LDB2: variants seen among roughly 807,000 people sequenced by gnomAD.
The protein encoded by LDB2 is LIM domain-binding protein 2.
A neutral mutation model predicts 44.3 loss-of-function variants in LDB2; 12 were observed. That is an observed-to-expected ratio of 0.27 (90% CI 0.17 to 0.44). The LOEUF (loss-of-function observed/expected upper bound fraction) is 0.44, where lower values mean the gene tolerates loss of function less well. Among genes scored for constraint, LDB2 ranks in the 20% least tolerant of loss-of-function variants. The probability of loss-of-function intolerance (pLI) is 1.00; values close to 1 mark genes in which losing one functional copy is unlikely to be tolerated. For synonymous variants in LDB2, 164 were observed against 174.8 expected (o/e 0.94, Z 0.49); for missense variants, 344 against 473.5 (o/e 0.73, Z 2.54).
chr4:16,548,984 C>T (rs777290378), intron 5 of LDB2, among the ~76,000 whole-genome samples: 7 of 152,054 alleles, frequency 4.6e-5, no homozygotes, highest in South Asian at 2.1e-4. Context: ...AGAAGCATGG[C>T]GTCTTATATG....
At chr4:16,894,159 T>G (rs1724236250) in intron 1 of LDB2, among the ~76,000 whole-genome samples, 1 of 152,170 alleles carries the variant, frequency 6.6e-6, no homozygotes, top group South Asian at 2.1e-4. Flanking sequence ...CTGACTGTAT[T>G]GTGTGTACAG....
chr4:16,745,078 A>G (rs11722005), intron 2 of LDB2, among the ~76,000 whole-genome samples: 2,630 of 152,330 alleles, frequency 0.017, 34 homozygotes, highest in Non-Finnish European at 0.023. Context: ...TGGTAACTGC[A>G]GGACAGGGTC....
intron 1 of LDB2, among the ~76,000 whole-genome samples, chr4:16,770,895 A>C (rs1182597469): frequency 6.6e-6 from 1 of 152,192 alleles, no homozygotes; most frequent in African/African-American, 2.4e-5. Context: ...TGTGGCAGTG[A>C]GCACCGCGCA....
chr4:16,636,328 T>TCCAG (rs1402593834), intron 2 of LDB2, among the ~76,000 whole-genome samples: 1 of 152,196 alleles, frequency 6.6e-6, no homozygotes, highest in Non-Finnish European at 1.5e-5. Flanking sequence ...TCTCTGCTGC[T>TCCAG]CCAGCCACAG....
At chr4:16,821,185 A>G (rs1302673631) in intron 1 of LDB2, among the ~76,000 whole-genome samples, 1 of 152,212 alleles carries the variant, frequency 6.6e-6, no homozygotes, top group Non-Finnish European at 1.5e-5. Context: ...TCGCTCCGTC[A>G]TCATTCCCAC....
At chr4:16,568,379 C>A (rs1002378902) in intron 5 of LDB2, among the ~76,000 whole-genome samples, 1 of 152,054 alleles carries the variant, frequency 6.6e-6, no homozygotes, top group Non-Finnish European at 1.5e-5. Context: ...CTCATTGATT[C>A]CTGAAATAGG....
At chr4:16,600,318 T>C (rs1381770542) in intron 2 of LDB2, among the ~76,000 whole-genome samples, 5 of 152,168 alleles carry the variant, frequency 3.3e-5, no homozygotes, top group Non-Finnish European at 7.4e-5. Flanking sequence ...TGTGCTCCTA[T>C]GAAAAGGATT....
At chr4:16,766,156 C>T (rs1429652908) in intron 1 of LDB2, among the ~76,000 whole-genome samples, 1 of 151,964 alleles carries the variant, frequency 6.6e-6, no homozygotes, top group East Asian at 1.9e-4. Flanking sequence ...CTCTGTTTTT[C>T]TCTCTCCTCT....
intron 1 of LDB2, among the ~76,000 whole-genome samples, chr4:16,767,767 T>C (rs1769685565): frequency 6.6e-6 from 1 of 152,236 alleles, no homozygotes; most frequent in South Asian, 2.1e-4. Context: ...AGCTTCTTTA[T>C]TCTAAACAAT....
rs71181177 is a variant in LDB2 at position 16,586,526 on chromosome 4, A to ACACAC, written c.532-522_532-521insGTGTG. ...CACACACACACACACACACACACAC[A>ACACAC]AAACACACACACACACACACACACA... On this transcript the variant is annotated intron_variant, in intron 4 of 7. Transcript: ENST00000304523. Among the ~76,000 whole-genome samples the ACACAC allele has an allele frequency of 6.1e-5, 4 of 65,052 alleles. No individual in the cohort carries two copies. In the South Asian group the frequency reaches 1.6e-3, roughly 26 times the overall value. 42.7% of individuals were successfully genotyped at this position (65,052 alleles called of 152,430 possible). A position where few individuals can be genotyped will look rare whatever the true frequency, so the allele number is the denominator to read the frequency against.
intron 1 of LDB2, among the ~76,000 whole-genome samples, chr4:16,829,118 G>A (rs1783589996): frequency 6.6e-6 from 1 of 152,290 alleles, no homozygotes; most frequent in African/African-American, 2.4e-5. Context: ...TAAGCAGAGT[G>A]TTAGTAAGTT....
chr4:16,554,209 C>T (rs1021044750), intron 5 of LDB2, among the ~76,000 whole-genome samples: 2 of 152,060 alleles, frequency 1.3e-5, no homozygotes, highest in African/African-American at 4.8e-5. Flanking sequence ...CGCCACCATG[C>T]CCGGCTAATT....
chr4:16,736,527 C>T lies in LDB2; in HGVS notation c.235+22631G>A, dbSNP rs528861129. On this transcript the variant is annotated intron_variant, in intron 2 of 7. Coordinates refer to ENST00000304523, the MANE Select transcript of LDB2 (RefSeq NM_001290.5). ...ACTGAACAGGAGGGGATGTTAATGG[C>T]TTTACTAGAAAACAATGGAGAAACA... Among the ~76,000 whole-genome samples, 558 of 152,270 alleles carry T rather than the reference C, an allele frequency of 3.7e-3. 3 individuals carry two copies. The highest frequency in any genetic ancestry group is 0.017 in the Middle Eastern group (5 of 294).
intron 5 of LDB2, among the ~76,000 whole-genome samples, chr4:16,544,255 G>GTT (rs1402166822): frequency 6.6e-6 from 1 of 152,208 alleles, no homozygotes; most frequent in East Asian, 1.9e-4. Context: ...ACAACCAGGG[G>GTT]AAAAGCAGCC....
intron 5 of LDB2, among the ~76,000 whole-genome samples, chr4:16,575,544 A>G (rs1461040944): frequency 6.6e-6 from 1 of 152,210 alleles, no homozygotes; most frequent in Non-Finnish European, 1.5e-5. Context: ...AGGATTGGCC[A>G]TACGTTAGGT....
chr4:16,873,680 A>C (rs1026044953), intron 1 of LDB2, among the ~76,000 whole-genome samples: 1 of 152,200 alleles, frequency 6.6e-6, no homozygotes, highest in Non-Finnish European at 1.5e-5. Context: ...TTTTAGTCTT[A>C]AAACTTAGTA....
At position 16,739,603 on chromosome 4, in the gene LDB2, T is replaced by C. The variant is rs1439188849; in HGVS notation, c.235+19555A>G. Among the ~76,000 whole-genome samples, 2 of 87,714 alleles carry C rather than the reference T, an allele frequency of 2.3e-5. 1 individual carries two copies. Among genetic ancestry groups the C allele is most frequent in the East Asian group, 1.2e-3 (2 of 1,670 alleles). The allele number at this position is 87,714 out of a possible 152,430, so 57.5% of individuals were successfully genotyped here. The stretch of plus-strand genomic sequence containing the variant: ...AAAAAAAAAAAAATATATATATATA[T>C]ATATATGTATATATACATGTGTGTG... On this transcript the variant is annotated intron_variant, in intron 2 of 7. Coordinates refer to ENST00000304523, the MANE Select transcript of LDB2 (RefSeq NM_001290.5).
rs775128510 is a variant in LDB2, at chr4:16,595,731, G to A, written c.380C>T (p.Thr127Ile). 1.1e-5 allele frequency: 18 copies of A among 1,613,544 alleles called. No homozygotes were observed. The change falls in exon 3 of 8, where the codon ACC (threonine) becomes ATC (isoleucine). Residue 127 changes from threonine to isoleucine, a missense_variant. Thr to Ile is a moderately conservative substitution (Grantham distance 89). Around this residue, in one of 3 missense-constraint regions of LDB2, gnomAD observed 226 missense variants for 270.1 expected, o/e 0.84. Transcript: ENST00000304523. Reference sequence around the variant, plus strand: ...GGTAAACATGGGCTTCCCGTGCTGGGTGACCATGGTACACTGGTCGCAGTC... The same window carrying A: ...GGTAAACATGGGCTTCCCGTGCTGGATGACCATGGTACACTGGTCGCAGTC... ...TVDCDQCTMVTQHGKPMFTKV... is the reference protein window; with the variant it reads ...TVDCDQCTMVIQHGKPMFTKV...
At chr4:16,761,362 G>A (rs1767876302) in intron 1 of LDB2, among the ~76,000 whole-genome samples, 1 of 152,160 alleles carries the variant, frequency 6.6e-6, no homozygotes, top group African/African-American at 2.4e-5. Flanking sequence ...TCAGCAAGAG[G>A]GGAGAAAGAG....
Sources: allele counts gnomAD v4.1 joint callset (sites outside exome capture counted in the v4.1 genomes callset), GRCh38; gene constraint gnomAD v4.1.1; regional missense constraint gnomAD v4.1.1; transcripts MANE v1.5; gene names NCBI Gene and HGNC (gene_info 2026-07-23, HGNC 2026-07-21).